The following PCYT1B variants were observed in gnomAD, a reference collection of about 807,000 sequenced individuals.
The protein encoded by PCYT1B is choline-phosphate cytidylyltransferase B.
Under a neutral mutation model 26.4 loss-of-function variants are expected in PCYT1B, and 10 were observed. The observed-to-expected ratio is 0.38, with a 90% CI of 0.23 to 0.64. The LOEUF (loss-of-function observed/expected upper bound fraction) is 0.64. Ranked by LOEUF, PCYT1B falls within the 30% of genes least tolerant of loss-of-function variation. The pLI, the probability that PCYT1B is intolerant of heterozygous loss-of-function variation, is 0.56. For synonymous variants in PCYT1B, 131 were observed against 108.4 expected, an observed-to-expected ratio of 1.21 and a Z score of -1.29; for missense variants, 161 against 292.7, an observed-to-expected ratio of 0.55 and a Z score of 3.28.
Position 24,626,627 on chromosome X carries a change from A to G in PCYT1B, c.118-7543T>C, listed in dbSNP as rs769246244. Among the ~76,000 whole-genome samples the G allele has an allele frequency of 7.1e-5, 8 of 112,132 alleles. No homozygotes were observed. In the East Asian group the frequency reaches 1.9e-3, roughly 27 times the overall value. On this transcript the variant is annotated intron_variant, in intron 1 of 7. Coordinates refer to ENST00000379144, the MANE Select transcript of PCYT1B (RefSeq NM_004845.5). ...CAAATGTAGCAGGGATGGGGGAGGG[A>G]GGTCTATATTAAGAAAAGAGGAGTA...
At chrX:24,649,651 T>C (rs948414211), upstream of PCYT1B, among the ~76,000 whole-genome samples, 9 of 111,913 alleles carry the variant, frequency 8.0e-5, no homozygotes, top group Non-Finnish European at 1.7e-4. Context: ...GCTGAGTCCT[T>C]GTGAACTCTT....
chrX:24,623,334 A>ATTTGGGG (rs1925756767), intron 1 of PCYT1B, among the ~76,000 whole-genome samples: 2 of 100,200 alleles, frequency 2.0e-5, no homozygotes, highest in African/African-American at 7.4e-5. Flanking sequence ...CATATTCCAA[A>ATTTGGGG]TTTGGGGTTT....
intron 4 of PCYT1B, among the ~76,000 whole-genome samples, chrX:24,588,570 T>C (rs755406766): frequency 3.6e-5 from 4 of 111,752 alleles, no homozygotes; most frequent in Non-Finnish European, 5.6e-5. Context: ...TAGAGTAGTA[T>C]GATTCCCTGC....
intron 3 of PCYT1B, among the ~76,000 whole-genome samples, chrX:24,597,617 C>A (rs186455227): frequency 8.9e-6 from 1 of 111,966 alleles, no homozygotes; most frequent in Non-Finnish European, 1.9e-5. Flanking sequence ...GGGTGGAGGG[C>A]GATTTAGCCT....
intron 1 of PCYT1B, among the ~76,000 whole-genome samples, chrX:24,619,858 C>G (rs1925644536): frequency 9.0e-6 from 1 of 111,341 alleles, no homozygotes; most frequent in South Asian, 3.7e-4. Flanking sequence ...GGAAGCCTGC[C>G]CAGAAAGTGG....
chrX:24,624,160 A>G (rs61760940), intron 1 of PCYT1B, among the ~76,000 whole-genome samples: 11,119 of 108,753 alleles, frequency 0.1, 655 homozygotes, highest in African/African-American at 0.22. Context: ...TAGTAGAGAC[A>G]GGGTTTCACT....
At chrX:24,637,509 T>TATATATATATATATATAA (rs779316769) in intron 1 of PCYT1B, among the ~76,000 whole-genome samples, 1,017 of 63,909 alleles carry the variant, frequency 0.016, 57 homozygotes, top group Middle Eastern at 0.039. Context: ...TATATATATA[T>TATATATATATATATATAA]ATAAATTAGC....
At chrX:24,593,652 G>GAGTA (rs746712522) in intron 3 of PCYT1B, among the ~76,000 whole-genome samples, 1 of 108,239 alleles carries the variant, frequency 9.2e-6, no homozygotes, top group African/African-American at 3.4e-5. Context: ...TCAGCCTCCC[G>GAGTA]AGTAGCTGGG....
At chrX:24,630,508 G>A (rs184072245) in intron 1 of PCYT1B, among the ~76,000 whole-genome samples, 49 of 111,532 alleles carry the variant, frequency 4.4e-4, no homozygotes, top group African/African-American at 1.6e-3. Context: ...TGTCACCCAG[G>A]ATGGTCTCGA....
chrX:24,648,505 G>A (rs1365820848), upstream of PCYT1B, among the ~76,000 whole-genome samples: 3 of 96,124 alleles, frequency 3.1e-5, no homozygotes, highest in Admixed American at 1.2e-4. Flanking sequence ...GGGCGGGCGC[G>A]TAGGGACCAG....
chrX:24,637,874 G>A (rs755443212), intron 1 of PCYT1B, among the ~76,000 whole-genome samples: 2 of 109,803 alleles, frequency 1.8e-5, no homozygotes, highest in African/African-American at 6.7e-5. Flanking sequence ...AGAAAAAGGA[G>A]TGAGACCACT....
intron 7 of PCYT1B, among the ~76,000 whole-genome samples, chrX:24,567,428 G>A (rs1445015762): frequency 8.9e-6 from 1 of 112,274 alleles, no homozygotes; most frequent in Non-Finnish European, 1.9e-5. Context: ...ACAGTCAGGA[G>A]ACAGTTTGTA....
intron 3 of PCYT1B, among the ~76,000 whole-genome samples, chrX:24,593,328 C>G (rs973797973): frequency 9.2e-6 from 1 of 108,745 alleles, no homozygotes; most frequent in Admixed American, 9.9e-5. Context: ...CCTTCTTTTT[C>G]TTTTCTTTCT....
chrX:24,603,154 G>C (rs1365679709), intron 3 of PCYT1B, among the ~76,000 whole-genome samples: 1 of 112,610 alleles, frequency 8.9e-6, no homozygotes, highest in Admixed American at 9.4e-5. Context: ...AAGGTATACA[G>C]ATTTTTCAAA....
At chrX:24,623,398 T>TATATATAA (rs1375541474) in intron 1 of PCYT1B, among the ~76,000 whole-genome samples, 6 of 89,243 alleles carry the variant, frequency 6.7e-5, no homozygotes, top group African/African-American at 1.6e-4. Context: ...TATATATATA[T>TATATATAA]AACTTTAAAT....
chrX:24,645,329 C>T (rs1018578777), intron 1 of PCYT1B, among the ~76,000 whole-genome samples: 3 of 109,588 alleles, frequency 2.7e-5, no homozygotes, highest in Non-Finnish European at 5.7e-5. Context: ...TAAGCATGGG[C>T]ACAAATATAT....
chrX:24,671,736 T>C (rs948205699), intron 1 of PCYT1B, among the ~76,000 whole-genome samples: 1 of 111,363 alleles, frequency 9.0e-6, no homozygotes, highest in Admixed American at 9.6e-5. Context: ...CCTCTGGCCC[T>C]CAATCTCTTC....
intron 1 of PCYT1B, among the ~76,000 whole-genome samples, chrX:24,631,567 A>G (rs1489018103): frequency 8.9e-6 from 1 of 112,252 alleles, no homozygotes; most frequent in Non-Finnish European, 1.9e-5. Context: ...CTGTCCGTGA[A>G]GCATTTTCGC....
chrX:24,669,495 G>A (rs1033853623), intron 1 of PCYT1B, among the ~76,000 whole-genome samples: 1 of 52,618 alleles, frequency 1.9e-5, no homozygotes, highest in African/African-American at 8.6e-5. Flanking sequence ...GTGAGACTTC[G>A]TCTCAGAAAA....
Sources: gnomAD v4.1 joint callset for allele counts (sites outside exome capture counted in the v4.1 genomes callset) on GRCh38, gnomAD v4.1.1 for gene constraint, MANE v1.5 for transcripts, NCBI Gene and HGNC (gene_info 2026-07-23, HGNC 2026-07-21) for gene names.